KIF26B: variants seen among roughly 807,000 people sequenced by gnomAD.
The protein encoded by KIF26B is kinesin family member 26B, also known as kinesin-like protein KIF26B.
In KIF26B, 63 loss-of-function variants were observed where a neutral mutation model predicts 151.2. The observed-to-expected ratio is 0.42, with a 90% CI of 0.34 to 0.51. KIF26B has a LOEUF of 0.51. KIF26B is among the 20% of genes least tolerant of loss of function. KIF26B has a pLI of 0.07. For synonymous variants in KIF26B, 1,357 were observed against 1,262.1 expected (o/e 1.08, Z -1.59); for missense variants, 2,813 against 2,913.6 (o/e 0.97, Z 0.79).
intron 3 of KIF26B, among the ~76,000 whole-genome samples, chr1:245,396,013 G>A (rs1228133893): frequency 6.6e-6 from 1 of 152,184 alleles, no homozygotes; most frequent in African/African-American, 2.4e-5. Context: ...CCAAAACCAT[G>A]TCCTCTAGAA....
intron 2 of KIF26B, among the ~76,000 whole-genome samples, chr1:245,325,825 G>A (rs370637520): frequency 6.6e-5 from 10 of 152,304 alleles, no homozygotes; most frequent in African/African-American, 2.2e-4. Context: ...CAGGTAGAGC[G>A]TGTGTGGCGG....
At chr1:245,298,895 A>G (rs1248307351) in intron 2 of KIF26B, among the ~76,000 whole-genome samples, 2 of 152,210 alleles carry the variant, frequency 1.3e-5, no homozygotes, top group Non-Finnish European at 2.9e-5. Context: ...AGGCGGAAAC[A>G]CTGGACCAGG....
chr1:245,467,468 G>T (rs951645513), intron 4 of KIF26B, among the ~76,000 whole-genome samples: 1 of 152,186 alleles, frequency 6.6e-6, no homozygotes, highest in African/African-American at 2.4e-5. Context: ...GTCAGTGTTT[G>T]GTTCTGGAGT....
intron 10 of KIF26B, among the ~76,000 whole-genome samples, chr1:245,662,742 T>TA (rs372309729): frequency 0.14 from 4,425 of 30,522 alleles, 321 homozygotes; most frequent in East Asian, 0.21. Context: ...TATGCATATA[T>TA]ACCCAATGAT....
intron 4 of KIF26B, among the ~76,000 whole-genome samples, chr1:245,478,776 G>A (rs906383384): frequency 6.6e-6 from 1 of 151,748 alleles, no homozygotes; most frequent in African/African-American, 2.4e-5. Flanking sequence ...TGGGTGAACA[G>A]TGAGTAGCAG....
chr1:245,424,636 C>T (rs1243723556), intron 4 of KIF26B, among the ~76,000 whole-genome samples: 1 of 152,166 alleles, frequency 6.6e-6, no homozygotes, highest in Admixed American at 6.5e-5. Flanking sequence ...CTGGTCCACA[C>T]ACGGTTACTG....
chr1:245,333,677 C>T (rs1672163022), intron 2 of KIF26B, among the ~76,000 whole-genome samples: 1 of 152,156 alleles, frequency 6.6e-6, no homozygotes, highest in Non-Finnish European at 1.5e-5. Context: ...TGATCCTAAC[C>T]TTGAACCTCT....
At chr1:245,208,517 T>G (rs1243453980) in intron 2 of KIF26B, among the ~76,000 whole-genome samples, 2 of 152,164 alleles carry the variant, frequency 1.3e-5, no homozygotes, top group Non-Finnish European at 2.9e-5. Flanking sequence ...CTCATTTTCC[T>G]TCCTCAGGAG....
In KIF26B at chr1:245,359,466, G is replaced by A. The variant is rs78114788; in HGVS notation, c.466-7368G>A. Among the ~76,000 whole-genome samples the A allele has an allele frequency of 9.1e-3, 1,389 of 152,282 alleles. 22 individuals carry two copies. Among genetic ancestry groups the A allele is most frequent in the East Asian group, 0.04 (206 of 5,178 alleles). On this transcript the variant is annotated intron_variant, in intron 2 of 14. Coordinates refer to ENST00000407071, the MANE Select transcript of KIF26B (RefSeq NM_018012.4). ...ACTCTTGTGGGAGAAATGAGGAAGC[G>A]TTTTCAGTAGGCTGTTAGAGTGAGA...
intron 4 of KIF26B, among the ~76,000 whole-genome samples, chr1:245,428,296 T>C (rs1658695442): frequency 6.6e-6 from 1 of 152,232 alleles, no homozygotes; most frequent in African/African-American, 2.4e-5. Context: ...TCTATGAATA[T>C]GGTCTCACTT....
chr1:245,525,464 A>T (rs1661218302), intron 4 of KIF26B, among the ~76,000 whole-genome samples: 1 of 152,240 alleles, frequency 6.6e-6, no homozygotes, highest in Non-Finnish European at 1.5e-5. Flanking sequence ...GCCCTTCTCA[A>T]TTGAATAGCA....
chr1:245,167,515 T>G lies in KIF26B; in HGVS notation c.465+10832T>G, dbSNP rs1668634510. Reference sequence around the variant, plus strand: ...ACCCTTCCTCCACCTAACTGGTGGCTTCACACAAGAATGGGAGACTCACCT... The same window carrying G: ...ACCCTTCCTCCACCTAACTGGTGGCGTCACACAAGAATGGGAGACTCACCT... On this transcript the variant is annotated intron_variant, in intron 2 of 14. Coordinates refer to ENST00000407071, the MANE Select transcript of KIF26B (RefSeq NM_018012.4). The surrounding 1 kb of genome is among the most constrained non-coding windows in gnomAD (Gnocchi z 4.2). Among the ~76,000 whole-genome samples the G allele has an allele frequency of 6.6e-6, 1 of 152,210 alleles. No individual in the cohort carries two copies. The highest frequency in any genetic ancestry group is 6.5e-5 in the Admixed American group (1 of 15,286).
intron 3 of KIF26B, among the ~76,000 whole-genome samples, chr1:245,387,843 C>T (rs983340491): frequency 1.3e-5 from 2 of 152,278 alleles, no homozygotes; most frequent in African/African-American, 2.4e-5. Flanking sequence ...AATAGGAAGG[C>T]GTCAAGGCTA....
chr1:245,581,080 A>C (rs2043170878), intron 5 of KIF26B, among the ~76,000 whole-genome samples: 1 of 152,264 alleles, frequency 6.6e-6, no homozygotes, highest in African/African-American at 2.4e-5. Flanking sequence ...ACACAATGGC[A>C]CAGGAAGAGC....
At position 245,516,829 on chromosome 1, in the gene KIF26B, TC is replaced by T. The variant is rs1660979046; in HGVS notation, c.1167-23936del. ...ATTCTCTTCAGCTGAACACAAAAGT[TC>T]CGGTTACCAGACTGTCCCTGGATAC... On this transcript the variant is annotated intron_variant, in intron 4 of 14. Transcript: ENST00000407071. This position sits in a 1 kb window ranked among gnomAD's most constrained non-coding sequence, Gnocchi z 4.2. 6.7e-6 allele frequency among the ~76,000 whole-genome samples: 1 copy of T among 149,210 alleles called. No individual in the cohort carries two copies. Among genetic ancestry groups the T allele is most frequent in the African/African-American group, 2.5e-5 (1 of 40,798 alleles).
At chr1:245,417,982 GA>G (rs35631765) in intron 3 of KIF26B, among the ~76,000 whole-genome samples, 96,829 of 151,980 alleles carry the variant, frequency 0.64, 31,459 homozygotes, top group Middle Eastern at 0.7. Context: ...ATTCTTGGGG[GA>G]AAAAAAAAGT....
At chr1:245,202,953 A>G (rs1669330426) in intron 2 of KIF26B, among the ~76,000 whole-genome samples, 1 of 146,288 alleles carries the variant, frequency 6.8e-6, no homozygotes, top group African/African-American at 2.5e-5. Flanking sequence ...AAAAAAACAA[A>G]ACAAAACAAA....
chr1:245,163,064 G>A (rs184598195), intron 2 of KIF26B, among the ~76,000 whole-genome samples: 383 of 152,084 alleles, frequency 2.5e-3, no homozygotes, highest in Non-Finnish European at 3.5e-3. Flanking sequence ...ACTTCTTCTT[G>A]TGAAAAAAAG....
intron 9 of KIF26B, among the ~76,000 whole-genome samples, chr1:245,633,750 ATG>A: frequency 6.6e-6 from 1 of 152,176 alleles, no homozygotes; most frequent in African/African-American, 2.4e-5. Flanking sequence ...GCAATATTTT[ATG>A]GTTTTTATGT....
Sources: allele counts gnomAD v4.1 joint callset (sites outside exome capture counted in the v4.1 genomes callset), GRCh38; gene constraint gnomAD v4.1.1; non-coding constraint Gnocchi (gnomAD v3.1); transcripts MANE v1.5; gene names NCBI Gene and HGNC (gene_info 2026-07-23, HGNC 2026-07-21).